The following SV2C variants were observed in gnomAD, a reference collection of about 807,000 sequenced individuals.
The protein encoded by SV2C is solute carrier family 22 member B3.
In SV2C, 49 loss-of-function variants were observed where a neutral mutation model predicts 79.7. That is an observed-to-expected ratio of 0.61 (90% CI 0.49 to 0.78). SV2C has a LOEUF of 0.78. SV2C is among the 30% of genes least tolerant of loss of function. SV2C has a pLI of 0.00. For synonymous variants in SV2C, 334 were observed against 333.2 expected, an observed-to-expected ratio of 1.00 and a Z score of -0.03; for missense variants, 833 against 912.9, an observed-to-expected ratio of 0.91 and a Z score of 1.13.
chr5:76,292,410 C>T (rs1307354139), intron 8 of SV2C, among the ~76,000 whole-genome samples: 1 of 152,206 alleles, frequency 6.6e-6, no homozygotes, highest in Non-Finnish European at 1.5e-5. Context: ...GCAAAACACT[C>T]CTTTATTCTG....
chr5:76,226,316 A>G (rs1438249059), intron 4 of SV2C, among the ~76,000 whole-genome samples: 1 of 152,058 alleles, frequency 6.6e-6, no homozygotes, highest in Non-Finnish European at 1.5e-5. Context: ...GCATGAATAA[A>G]TGAAGCTGGC....
chr5:76,184,152 A>G (rs192822974), intron 2 of SV2C, among the ~76,000 whole-genome samples: 133 of 152,338 alleles, frequency 8.7e-4, no homozygotes, highest in Admixed American at 2.4e-3. Flanking sequence ...CAAATTATAG[A>G]TAAAGAACCT....
Position 76,291,803 on chromosome 5 carries a change from A to C in SV2C, c.1284A>C (p.Pro428=). 6.2e-7 allele frequency: 1 copy of C among 1,610,954 alleles called. No individual in the cohort carries two copies. The highest frequency in any genetic ancestry group is 8.5e-7 in the Non-Finnish European group (1 of 1,178,206). The change falls in exon 8 of 13, where the codon CCA becomes CCC. Residue 428 remains proline, a synonymous_variant. Coordinates refer to ENST00000502798, the MANE Select transcript of SV2C (RefSeq NM_014979.4). ...WLTFMRCFNY[P]VRDNTIKLTI... is the part of the protein sequence containing the mutation. The stretch of plus-strand genomic sequence containing the variant: ...CTTTTATGAGATGTTTCAACTACCC[A>C]GTCAGGGATAATACAATAAAGCTTA...
chr5:76,348,645 C>A (rs1304944963), intron 12 of SV2C, among the ~76,000 whole-genome samples: 1 of 152,310 alleles, frequency 6.6e-6, no homozygotes. Context: ...GAAGGTTGTA[C>A]ATGAGTAATG....
At chr5:76,002,170 GTA>G in the SV2C span, among the ~76,000 whole-genome samples, 45,754 of 150,182 alleles carry the variant, frequency 0.3, 7,385 homozygotes, top group East Asian at 0.61. Context: ...TTTTGTGTGT[GTA>G]TATATATATA....
At chr5:75,918,263 A>G in the SV2C span, among the ~76,000 whole-genome samples, 1 of 152,234 alleles carries the variant, frequency 6.6e-6, no homozygotes, top group Non-Finnish European at 1.5e-5. Context: ...TCCAGGCAAC[A>G]CTACAACACT....
At chr5:76,247,955 A>C (rs2112433543) in intron 4 of SV2C, among the ~76,000 whole-genome samples, 1 of 152,350 alleles carries the variant, frequency 6.6e-6, no homozygotes, top group Admixed American at 6.5e-5. Context: ...AGTGATTATT[A>C]GGTGACTGAA....
At chr5:76,221,823 G>T (rs1745072842) in intron 4 of SV2C, among the ~76,000 whole-genome samples, 3 of 152,058 alleles carry the variant, frequency 2.0e-5, no homozygotes, top group Admixed American at 6.6e-5. Flanking sequence ...CTCAAATCCT[G>T]GAGACCTTGA....
the SV2C span, among the ~76,000 whole-genome samples, chr5:75,891,283 T>G: frequency 6.6e-6 from 1 of 152,104 alleles, no homozygotes; most frequent in South Asian, 2.1e-4. Flanking sequence ...TCTCCTAATC[T>G]TTGGTCAGCT....
At chr5:76,339,410 G>T (rs547375666) in intron 12 of SV2C, among the ~76,000 whole-genome samples, 3 of 151,938 alleles carry the variant, frequency 2.0e-5, no homozygotes, top group South Asian at 2.1e-4. Flanking sequence ...TAGTTGTTTG[G>T]TTTTTTTTAA....
the SV2C span, among the ~76,000 whole-genome samples, chr5:76,045,113 T>C: frequency 1.3e-5 from 2 of 152,178 alleles, no homozygotes; most frequent in Non-Finnish European, 2.9e-5. Context: ...AGGGGTCCAG[T>C]TTCAATTTTC....
At chr5:75,853,844 A>G in the SV2C span, among the ~76,000 whole-genome samples, 1 of 150,978 alleles carries the variant, frequency 6.6e-6, no homozygotes, top group African/African-American at 2.4e-5. Context: ...GTCTTTAAAA[A>G]TTTTTTTTTA....
intron 4 of SV2C, among the ~76,000 whole-genome samples, chr5:76,223,777 C>T (rs1010195834): frequency 1.3e-5 from 2 of 151,970 alleles, no homozygotes; most frequent in African/African-American, 2.4e-5. Flanking sequence ...CTCAGGCTGC[C>T]ATAACAAGAT....
At chr5:75,989,709 A>T in the SV2C span, among the ~76,000 whole-genome samples, 2 of 151,966 alleles carry the variant, frequency 1.3e-5, no homozygotes, top group African/African-American at 2.4e-5. Flanking sequence ...AAATTGCCAC[A>T]CTGTCTTCCA....
At chr5:76,010,857 G>A in the SV2C span, among the ~76,000 whole-genome samples, 1 of 152,228 alleles carries the variant, frequency 6.6e-6, no homozygotes, top group Admixed American at 6.5e-5. Flanking sequence ...AGAAGAAGAG[G>A]GTTCTAATTG....
intron 2 of SV2C, among the ~76,000 whole-genome samples, chr5:76,157,037 T>G (rs953046168): frequency 5.3e-5 from 8 of 151,928 alleles, no homozygotes; most frequent in African/African-American, 1.9e-4. Flanking sequence ...CCAAATGTAT[T>G]GGAAAAATAT....
chr5:75,929,880 C>G, the SV2C span, among the ~76,000 whole-genome samples: 1 of 152,116 alleles, frequency 6.6e-6, no homozygotes, highest in African/African-American at 2.4e-5. Flanking sequence ...TATCTTAAAG[C>G]TCTGAAAGTC....
intron 4 of SV2C, among the ~76,000 whole-genome samples, chr5:76,263,206 G>T (rs1170624371): frequency 6.6e-6 from 1 of 152,028 alleles, no homozygotes; most frequent in Admixed American, 6.5e-5. Context: ...TGTCTTTTTT[G>T]ATCTTTGTTG....
chr5:75,977,256 T>A, the SV2C span, among the ~76,000 whole-genome samples: 1 of 152,120 alleles, frequency 6.6e-6, no homozygotes, highest in East Asian at 1.9e-4. Context: ...AATGGGCCAG[T>A]TCTCAAAAAA....
Sources: allele counts gnomAD v4.1 joint callset (sites outside exome capture counted in the v4.1 genomes callset), GRCh38; gene constraint gnomAD v4.1.1; transcripts MANE v1.5; gene names NCBI Gene and HGNC (gene_info 2026-07-23, HGNC 2026-07-21).